Variants in MUC17 observed in about 807,000 individuals in gnomAD.
MUC17 encodes mucin-17.
MUC17 carries 190 observed loss-of-function variants against 170.3 expected under a neutral mutation model. The ratio of observed to expected loss-of-function variants is 1.12; its 90% CI spans 0.99 to 1.26. MUC17 has a LOEUF of 1.26. MUC17 is among the 50% of genes most tolerant of loss of function. The pLI, the probability that MUC17 is intolerant of heterozygous loss-of-function variation, is 0.00. For synonymous variants in MUC17, 2,325 were observed against 2,002.5 expected (o/e 1.16, Z -4.30); for missense variants, 6,415 against 5,530.0 (o/e 1.16, Z -5.08).
At position 101,041,472 on chromosome 7, in the gene MUC17, G is replaced by C. The variant is rs758681326; in HGVS notation, c.10056G>C (p.Val3352=). Residue 3352 remains valine, a synonymous_variant, in exon 3 of 13, where the codon GTG becomes GTC. Transcript: ENST00000306151. ...ATATGTCTTTCAGCACCACGCCAGT[G>C]GTCAGTTCTGAGGCTAGCACCCTTT... ...LTNMSFSTTP[V]VSSEASTLST... is the part of the protein sequence containing the mutation. 5.6e-6 allele frequency: 9 copies of C among 1,613,476 alleles called. No homozygotes were observed. The highest frequency in any genetic ancestry group is 6.8e-6 in the Non-Finnish European group (8 of 1,179,898).
At chr7:101,022,374 C>T (rs1250480047) in intron 1 of MUC17, among the ~76,000 whole-genome samples, 2 of 152,164 alleles carry the variant, frequency 1.3e-5, no homozygotes, top group African/African-American at 4.8e-5. Context: ...GCCATGTTGG[C>T]GAGGGTGGTC....
chr7:101,033,171 T>C lies in MUC17; in HGVS notation c.1755T>C (p.Ser585=). The part of the protein sequence containing the change: ...MPVSTRLVVS[S]EASTTSTTPA... ...TCAGCACCAGGCTGGTGGTCAGTTC[T>C]GAGGCTAGCACCACTTCAACAACTC... The change falls in exon 3 of 13, where the codon TCT becomes TCC. Residue 585 remains serine, a synonymous_variant. Coordinates refer to ENST00000306151, the MANE Select transcript of MUC17 (RefSeq NM_001040105.2). The C allele has an allele frequency of 1.9e-6, 3 of 1,613,986 alleles. No homozygotes were observed. In the South Asian group the frequency reaches 3.3e-5, roughly 18 times the overall value.
At position 101,050,532 on chromosome 7, in the gene MUC17, C is replaced by T. The variant is rs1794919357; in HGVS notation, c.12771C>T (p.Tyr4257=). ...VEHDVLLRTK[Y]TPEYKTVLDN... ...ATGACGTCCTCCTAAGAACCAAGTACACACCAGAATACAAGACAGTATTGG... is the reference window on the plus strand; with the variant it reads ...ATGACGTCCTCCTAAGAACCAAGTATACACCAGAATACAAGACAGTATTGG... Residue 4257 remains tyrosine (Y), a synonymous_variant, in exon 7 of 13, where the codon TAC becomes TAT. Coordinates refer to ENST00000306151, the MANE Select transcript of MUC17 (RefSeq NM_001040105.2). 6.2e-7 allele frequency: 1 copy of T among 1,614,108 alleles called. No homozygotes were observed. Among genetic ancestry groups the T allele is most frequent in the Non-Finnish European group, 8.5e-7 (1 of 1,179,974 alleles).
Position 101,033,483 on chromosome 7 carries a change from A to G in MUC17, c.2067A>G (p.Pro689=), listed in dbSNP as rs1390801884. The G allele has an allele frequency of 3.7e-6, 6 of 1,613,296 alleles. No individual in the cohort carries two copies. Among genetic ancestry groups the G allele is most frequent in the Non-Finnish European group, 3.4e-6 (4 of 1,179,740 alleles). ...PTSTYTEGST[P]LTSMPVNTTL... Reference sequence around the variant, plus strand: ...CAACTTATACTGAAGGAAGCACTCCATTAACAAGTATGCCTGTCAACACCA... The same window carrying G: ...CAACTTATACTGAAGGAAGCACTCCGTTAACAAGTATGCCTGTCAACACCA... Residue 689 remains proline (P), a synonymous_variant, in exon 3 of 13, where the codon CCA becomes CCG. Coordinates refer to ENST00000306151, the MANE Select transcript of MUC17 (RefSeq NM_001040105.2).
chr7:101,022,835 A>T (rs1794117528), intron 1 of MUC17, among the ~76,000 whole-genome samples: 2 of 151,314 alleles, frequency 1.3e-5, no homozygotes, highest in Non-Finnish European at 3.0e-5. Context: ...AATCAAAAAC[A>T]CCCACCTCCT....
chr7:101,032,455 G>A lies in MUC17; in HGVS notation c.1039G>A (p.Ala347Thr), dbSNP rs200732180. The change falls in exon 3 of 13, where the codon GCC becomes ACC. Residue 347 changes from alanine (A) to threonine (T), a missense_variant. Coordinates refer to ENST00000306151, the MANE Select transcript of MUC17 (RefSeq NM_001040105.2). ...TACGCCTGCCAGCACCATGCCGGTT[G>A]CCACTTCTGAAATGAGCACACTTTC... Reference protein sequence around the residue: ...TSTPASTMPVATSEMSTLSIT... With the variant: ...TSTPASTMPVTTSEMSTLSIT... 100 of 1,613,782 alleles carry A rather than the reference G, an allele frequency of 6.2e-5. No homozygotes were observed. Among genetic ancestry groups the A allele is most frequent in the Admixed American group, 3.3e-4 (20 of 59,988 alleles).
chr7:101,041,524 C>G lies in MUC17; in HGVS notation c.10108C>G (p.Pro3370Ala), dbSNP rs762296144. The change falls in exon 3 of 13, where the codon CCT (proline) becomes GCT (alanine). Residue 3370 changes from proline (P) to alanine (A), a missense_variant. By Grantham distance (27) the Pro-to-Ala change is conservative. Transcript: ENST00000306151. ...LSTTPVDTST[P>A]VTTSTEASLS... ...CACAACTCCTGTTGACACCAGCACA[C>G]CTGTCACCACTTCTACTGAAGCCAG... 4 of 1,613,584 alleles carry G rather than the reference C, an allele frequency of 2.5e-6. No homozygotes were observed. The highest frequency in any genetic ancestry group is 1.1e-5 in the South Asian group (1 of 91,042).
At position 101,038,416 on chromosome 7, in the gene MUC17, A is replaced by G. The variant is rs1794565427; in HGVS notation, c.7000A>G (p.Ser2334Gly). Residue 2334 changes from serine to glycine, a missense_variant, in exon 3 of 13, where the codon AGT becomes GGT. By Grantham distance (56) the Ser-to-Gly change is moderately conservative (BLOSUM62 0). Transcript: ENST00000306151. ...TACCAGCATGCCAACCTCAACTTCT[A>G]GTGAAGGAAACACTCCATTAACACG... ...EGTSMPTSTS[S>G]EGNTPLTRMP... 1 of 1,613,808 alleles carries G rather than the reference A, an allele frequency of 6.2e-7. No individual in the cohort carries two copies. Among genetic ancestry groups the G allele is most frequent in the Non-Finnish European group, 8.5e-7 (1 of 1,180,000 alleles).
chr7:101,044,329 CA>C (rs1186050870), intron 3 of MUC17, among the ~76,000 whole-genome samples: 1 of 152,192 alleles, frequency 6.6e-6, no homozygotes, highest in Non-Finnish European at 1.5e-5. Flanking sequence ...ACAACCCCAT[CA>C]AAAAGTGGGC....
chr7:101,031,444 A>T (rs1247179776), intron 2 of MUC17, among the ~76,000 whole-genome samples, 157 bp from the exon 3 acceptor site: 2 of 152,188 alleles, frequency 1.3e-5, no homozygotes, highest in Non-Finnish European at 1.5e-5. Context: ...GGCAGGAGAG[A>T]CTAACACACT....
chr7:101,049,065 T>C (rs1794890822), intron 5 of MUC17, 93 bp downstream of exon 5: 1 of 1,571,254 alleles, frequency 6.4e-7, no homozygotes, highest in South Asian at 1.2e-5. Context: ...GTTCCCTTGT[T>C]AGATGTGCGG....
In MUC17 at chr7:101,035,398, C is replaced by T. The variant is rs1422156360; in HGVS notation, c.3982C>T (p.Pro1328Ser). Residue 1328 changes from proline (P) to serine (S), a missense_variant, in exon 3 of 13, where the codon CCA becomes TCA. Transcript: ENST00000306151. ...SPTPAEGTSMPTSTYSEGRTP... is the reference protein window; with the variant it reads ...SPTPAEGTSMSTSTYSEGRTP... ...TACACCTGCTGAAGGTACCAGCATG[C>T]CAACCTCAACTTATAGTGAAGGAAG... 4.4e-6 allele frequency: 7 copies of T among 1,606,758 alleles called. No individual in the cohort carries two copies. Among genetic ancestry groups the T allele is most frequent in the South Asian group, 1.1e-5 (1 of 90,764 alleles).
rs1308990732 is a variant in MUC17 at position 101,040,187 on chromosome 7, G to A, written c.8771G>A (p.Ser2924Asn). ...ACCAGCATGCCAATCTCAACTCCTAGTGAAGTAAGTACTCCATTAACAAGT... is the reference window on the plus strand; with the variant it reads ...ACCAGCATGCCAATCTCAACTCCTAATGAAGTAAGTACTCCATTAACAAGT... ...EGTSMPISTPSEVSTPLTSIL... is the reference protein window; with the variant it reads ...EGTSMPISTPNEVSTPLTSIL... Residue 2924 changes from serine (S) to asparagine (N), a missense_variant, in exon 3 of 13, where the codon AGT becomes AAT. Ser to Asn is a conservative substitution (Grantham distance 46). Coordinates refer to ENST00000306151, the MANE Select transcript of MUC17 (RefSeq NM_001040105.2). The A allele has an allele frequency of 1.5e-5, 24 of 1,612,876 alleles. No individual in the cohort carries two copies. The highest frequency in any genetic ancestry group is 2.0e-5 in the Non-Finnish European group (24 of 1,179,632).
At position 101,040,103 on chromosome 7, in the gene MUC17, C is replaced by T; in HGVS notation, c.8687C>T (p.Thr2896Ile). The T allele has an allele frequency of 6.2e-7, 1 of 1,612,684 alleles. No individual in the cohort carries two copies. Among genetic ancestry groups the T allele is most frequent in the Non-Finnish European group, 8.5e-7 (1 of 1,179,406 alleles). ...ACCCTTTCAACAACTCCTGTTGATA[C>T]CAGCATACCTGTCACCACTTCTACT... ...ASTLSTTPVD[T>I]SIPVTTSTEG... Residue 2896 changes from threonine to isoleucine, a missense_variant, in exon 3 of 13, where the codon ACC (threonine) becomes ATC (isoleucine). By Grantham distance (89) the Thr-to-Ile change is moderately conservative. Coordinates refer to ENST00000306151, the MANE Select transcript of MUC17 (RefSeq NM_001040105.2).
Position 101,034,987 on chromosome 7 carries a change from G to A in MUC17, c.3571G>A (p.Val1191Met), listed in dbSNP as rs761230035. 4 of 1,613,462 alleles carry A rather than the reference G, an allele frequency of 2.5e-6. No homozygotes were observed. The highest frequency in any genetic ancestry group is 3.3e-5 in the Admixed American group (2 of 59,918). Residue 1191 changes from valine (V) to methionine (M), a missense_variant, in exon 3 of 13, where the codon GTG becomes ATG. Val to Met is a conservative substitution (Grantham distance 21). Coordinates refer to ENST00000306151, the MANE Select transcript of MUC17 (RefSeq NM_001040105.2). The part of the protein sequence containing the change: ...STTPVDSKTQ[V>M]ATSTEASSPP... Reference sequence around the variant, plus strand: ...AACTCCTGTGGACTCCAAAACTCAGGTGGCCACTTCTACTGAAGCCAGTTC... The same window carrying A: ...AACTCCTGTGGACTCCAAAACTCAGATGGCCACTTCTACTGAAGCCAGTTC...
At position 101,041,720 on chromosome 7, in the gene MUC17, A is replaced by C. The variant is rs749638521; in HGVS notation, c.10304A>C (p.Glu3435Ala). 1 of 1,612,722 alleles carries C rather than the reference A, an allele frequency of 6.2e-7. No individual in the cohort carries two copies. Among genetic ancestry groups the C allele is most frequent in the African/African-American group, 1.3e-5 (1 of 74,368 alleles). The part of the protein sequence containing the change: ...DSNTLVTTST[E>A]ASSSPTIAEG... ...AACACTCTGGTGACCACTTCTACTG[A>C]AGCCAGTTCATCTCCTACAATCGCT... The change falls in exon 3 of 13, where the codon GAA (glutamate) becomes GCA (alanine). Residue 3435 changes from glutamate (E) to alanine (A), a missense_variant. Transcript: ENST00000306151.
intron 11 of MUC17, among the ~76,000 whole-genome samples, chr7:101,054,502 C>T (rs576720498): frequency 6.6e-6 from 1 of 152,090 alleles, no homozygotes; most frequent in Admixed American, 6.5e-5. Flanking sequence ...AGGAAAAGTC[C>T]AGTCAACCCA....
chr7:101,050,714 G>A, intron 7 of MUC17, 79 bp downstream of exon 7: 5 of 1,528,996 alleles, frequency 3.3e-6, no homozygotes, highest in Non-Finnish European at 4.4e-6. Context: ...CAGGAGGGCG[G>A]GAGTGAGGAT....
At position 101,058,203 on chromosome 7, in the gene MUC17, G is replaced by A; in HGVS notation, c.*159G>A. ...CCAAGGAGAAAGAGGAGAGACAGCAGTGCTGGGAGATTCTCAAATAGAAAC... is the reference window on the plus strand; with the variant it reads ...CCAAGGAGAAAGAGGAGAGACAGCAATGCTGGGAGATTCTCAAATAGAAAC... On this transcript the variant is annotated 3_prime_UTR_variant, in exon 13 of 13. Transcript: ENST00000306151. 1 of 568,198 alleles carries A rather than the reference G, an allele frequency of 1.8e-6. No individual in the cohort carries two copies. The highest frequency in any genetic ancestry group is 2.7e-5 in the South Asian group (1 of 36,980). The allele number at this position is 568,198 out of a possible 1,614,324, so 35.2% of individuals were successfully genotyped here. A position where few individuals can be genotyped will look rare whatever the true frequency, so the allele number is the denominator to read the frequency against.
Sources: allele counts gnomAD v4.1 joint callset (sites outside exome capture counted in the v4.1 genomes callset), GRCh38; gene constraint gnomAD v4.1.1; transcripts MANE v1.5; gene names NCBI Gene and HGNC (gene_info 2026-07-23, HGNC 2026-07-21).